Variants in FAM222B observed in about 807,000 individuals in gnomAD.
FAM222B encodes the protein protein FAM222B.
Under a neutral mutation model 38.0 loss-of-function variants are expected in FAM222B, and 12 were observed. The observed-to-expected ratio is 0.32, with a 90% CI of 0.20 to 0.51. The LOEUF is 0.51. FAM222B is among the 20% of genes least tolerant of loss of function. FAM222B has a pLI of 0.97. For missense variants in FAM222B, 716 were observed against 754.2 expected (o/e 0.95, Z 0.59); for synonymous variants, 329 against 317.2 (o/e 1.04, Z -0.40).
intron 1 of FAM222B, among the ~76,000 whole-genome samples, chr17:28,805,248 C>T (rs944276124): frequency 2.6e-5 from 4 of 151,980 alleles, no homozygotes; most frequent in African/African-American, 9.7e-5. Flanking sequence ...GTCCTACCTA[C>T]TCAAGAGGCT....
chr17:28,816,607 GAC>G (rs1483760591), intron 1 of FAM222B, among the ~76,000 whole-genome samples: 1 of 150,038 alleles, frequency 6.7e-6, no homozygotes, highest in Non-Finnish European at 1.5e-5. Flanking sequence ...CAATCAAAAC[GAC>G]ACAGTTCCCA....
At chr17:28,772,492 A>T (rs555613235) in intron 1 of FAM222B, among the ~76,000 whole-genome samples, 1 of 149,054 alleles carries the variant, frequency 6.7e-6, no homozygotes, top group African/African-American at 2.4e-5. Flanking sequence ...TGGGAGGCCG[A>T]GGCGGGCGGA....
chr17:28,850,253 G>C (rs1266875312), intron 1 of FAM222B, among the ~76,000 whole-genome samples: 1 of 151,888 alleles, frequency 6.6e-6, no homozygotes, highest in African/African-American at 2.4e-5. Flanking sequence ...TTCCACTCTG[G>C]GTACTTGCTC....
chr17:28,785,821 C>A (rs749778115), intron 1 of FAM222B, among the ~76,000 whole-genome samples: 3 of 152,152 alleles, frequency 2.0e-5, no homozygotes, highest in Non-Finnish European at 4.4e-5. Flanking sequence ...GATTCTCCTG[C>A]CTCAGCCTCC....
chr17:28,839,829 A>G (rs1050830101), intron 1 of FAM222B, among the ~76,000 whole-genome samples: 4 of 152,120 alleles, frequency 2.6e-5, no homozygotes, highest in Admixed American at 6.6e-5. Flanking sequence ...TCCAGGAAAG[A>G]AAAGTGAAAC....
chr17:28,810,806 G>A (rs1279902806), intron 1 of FAM222B, among the ~76,000 whole-genome samples: 1 of 152,152 alleles, frequency 6.6e-6, no homozygotes. Flanking sequence ...ACTTTCCACA[G>A]CTGAAATGGT....
At chr17:28,780,610 G>A (rs1464649739) in intron 1 of FAM222B, among the ~76,000 whole-genome samples, 2 of 152,046 alleles carry the variant, frequency 1.3e-5, no homozygotes, top group Admixed American at 6.6e-5. Context: ...GGATGGGTGC[G>A]GTGGCTCATG....
chr17:28,827,712 C>G (rs930051811), intron 1 of FAM222B, among the ~76,000 whole-genome samples: 12 of 151,958 alleles, frequency 7.9e-5, no homozygotes, highest in African/African-American at 2.9e-4. Flanking sequence ...AAGAAATGTC[C>G]TTGGAAGAAA....
At chr17:28,801,760 A>G (rs1224923648) in intron 1 of FAM222B, among the ~76,000 whole-genome samples, 1 of 152,128 alleles carries the variant, frequency 6.6e-6, no homozygotes, top group Non-Finnish European at 1.5e-5. Flanking sequence ...CAGACTTGAT[A>G]TATCTTTCCT....
intron 1 of FAM222B, among the ~76,000 whole-genome samples, chr17:28,792,432 A>C: frequency 6.6e-6 from 1 of 152,004 alleles, no homozygotes; most frequent in Non-Finnish European, 1.5e-5. Context: ...GTGAGCCGTC[A>C]TCGTGCCACT....
At chr17:28,828,859 C>T (rs2038541598) in intron 1 of FAM222B, among the ~76,000 whole-genome samples, 1 of 151,868 alleles carries the variant, frequency 6.6e-6, no homozygotes, top group African/African-American at 2.4e-5. Flanking sequence ...GTCATGTCAC[C>T]CCCAAAAAAT....
In FAM222B at chr17:28,757,983, T is replaced by G. The variant is rs969148201; in HGVS notation, c.*287A>C. 4 of 310,300 alleles carry G rather than the reference T, an allele frequency of 1.3e-5. No homozygotes were observed. The highest frequency in any genetic ancestry group is 2.4e-5 in the Non-Finnish European group (4 of 168,322). 19.2% of individuals were successfully genotyped at this position (310,300 alleles called of 1,614,324 possible). ...AGGAAGAGATTCAAGAAAAGATGGG[T>G]GGGAGCTGGCTGGAAATGGCCAAGG... On this transcript the variant is annotated 3_prime_UTR_variant, in exon 3 of 3. Coordinates refer to ENST00000581407, the MANE Select transcript of FAM222B (RefSeq NM_001077498.3).
chr17:28,851,337 A>G (rs1364943231), intron 1 of FAM222B, among the ~76,000 whole-genome samples: 2 of 151,836 alleles, frequency 1.3e-5, no homozygotes, highest in Non-Finnish European at 2.9e-5. Flanking sequence ...GTTCGAGACC[A>G]GCCTGGCCAA....
chr17:28,830,910 AGAT>A (rs920804999), intron 1 of FAM222B, among the ~76,000 whole-genome samples: 1 of 151,804 alleles, frequency 6.6e-6, no homozygotes, highest in African/African-American at 2.4e-5. Context: ...GTAATTGTTG[AGAT>A]GACTATTCTT....
chr17:28,759,123 C>G lies in FAM222B; in HGVS notation c.836G>C (p.Arg279Thr). 2 of 1,611,780 alleles carry G rather than the reference C, an allele frequency of 1.2e-6. No individual in the cohort carries two copies. The highest frequency in any genetic ancestry group is 1.7e-6 in the Non-Finnish European group (2 of 1,179,046). The change falls in exon 3 of 3, where the codon AGG (arginine) becomes ACG (threonine). Residue 279 changes from arginine to threonine, a missense_variant. Coordinates refer to ENST00000581407, the MANE Select transcript of FAM222B (RefSeq NM_001077498.3). This position sits in a 1 kb window ranked among gnomAD's most constrained non-coding sequence, Gnocchi z 4.8. ...VHQINQFCQT[R>T]AGISTTSVCE... ...CACTGAGGTAGTGCTGATGCCTGCC[C>G]TCGTCTGGCAAAACTGGTTGATCTG...
At chr17:28,834,001 C>T (rs2038755521) in intron 1 of FAM222B, among the ~76,000 whole-genome samples, 1 of 152,226 alleles carries the variant, frequency 6.6e-6, no homozygotes, top group African/African-American at 2.4e-5. Flanking sequence ...TCACATTCCA[C>T]TTAGTTGTCC....
intron 1 of FAM222B, among the ~76,000 whole-genome samples, chr17:28,780,758 T>C (rs982023434): frequency 6.6e-6 from 1 of 151,988 alleles, no homozygotes; most frequent in African/African-American, 2.4e-5. Flanking sequence ...GGCAGGCACC[T>C]GTAATACCAG....
At chr17:28,816,895 G>GT (rs2151938587) in intron 1 of FAM222B, among the ~76,000 whole-genome samples, 1 of 152,184 alleles carries the variant, frequency 6.6e-6, no homozygotes, top group South Asian at 2.1e-4. Context: ...TAATTAAAGG[G>GT]TTTTAACTGG....
rs781275949 is a variant in FAM222B, at chr17:28,759,718, G to A, written c.241C>T (p.Leu81Phe). 6.2e-7 allele frequency: 1 copy of A among 1,613,808 alleles called. No homozygotes were observed. Among genetic ancestry groups the A allele is most frequent in the South Asian group, 1.1e-5 (1 of 91,028 alleles). ...RKHVRRTVNG[L>F]DTSAQRYSPY... The stretch of plus-strand genomic sequence containing the variant: ...CTGTAGCGCTGGGCTGATGTGTCGA[G>A]GCCGTTCACAGTACGACGAACGTGT... Residue 81 changes from leucine (L) to phenylalanine (F), a missense_variant, in exon 3 of 3, where the codon CTC (leucine) becomes TTC (phenylalanine). Leu to Phe is a conservative substitution (Grantham distance 22, BLOSUM62 0). Coordinates refer to ENST00000581407, the MANE Select transcript of FAM222B (RefSeq NM_001077498.3). This position sits in a 1 kb window ranked among gnomAD's most constrained non-coding sequence, Gnocchi z 4.8.
Sources: gnomAD v4.1 joint callset for allele counts (sites outside exome capture counted in the v4.1 genomes callset) on GRCh38, gnomAD v4.1.1 for gene constraint, Gnocchi (gnomAD v3.1) non-coding constraint, MANE v1.5 for transcripts, NCBI Gene and HGNC (gene_info 2026-07-23, HGNC 2026-07-21) for gene names.